The following KIAA0319L variants were observed in gnomAD, a reference collection of about 807,000 sequenced individuals.
The protein encoded by KIAA0319L is KIAA0319 like.
In KIAA0319L, 55 loss-of-function variants were observed where a neutral mutation model predicts 120.1. That is an observed-to-expected ratio of 0.46 (90% CI 0.37 to 0.57). The LOEUF (loss-of-function observed/expected upper bound fraction) is 0.57, where lower values mean the gene tolerates loss of function less well. Among genes scored for constraint, KIAA0319L ranks in the 20% least tolerant of loss-of-function variants. The probability of loss-of-function intolerance (pLI) is 0.00; values close to 1 mark genes in which losing one functional copy is unlikely to be tolerated. For missense variants in KIAA0319L, 1,049 were observed against 1,255.3 expected (o/e 0.84, Z 2.48); for synonymous variants, 398 against 471.9 (o/e 0.84, Z 2.03).
At chr1:35,447,496 T>C (rs1641711870) in intron 16 of KIAA0319L, among the ~76,000 whole-genome samples, 2 of 152,270 alleles carry the variant, frequency 1.3e-5, no homozygotes, top group South Asian at 2.1e-4. Flanking sequence ...CATTGCTCAA[T>C]GCTGTTGCCC....
rs557372905 is a variant in KIAA0319L, at chr1:35,453,894, T to C, written c.1781-205A>G. Among the ~76,000 whole-genome samples, 7 of 152,254 alleles carry C rather than the reference T, an allele frequency of 4.6e-5. No homozygotes were observed. The highest frequency in any genetic ancestry group is 1.7e-4 in the African/African-American group (7 of 41,524). On this transcript the variant is annotated intron_variant, in intron 11 of 20. Coordinates refer to ENST00000325722, the MANE Select transcript of KIAA0319L (RefSeq NM_024874.5). The surrounding 1 kb of genome is among the most constrained non-coding windows in gnomAD (Gnocchi z 4.1). ...ATATCAAGCAATTCTGACAGAAACA[T>C]AGAACATAATGAAGTTATAATGCCA... is the stretch of plus-strand genomic sequence containing the variant.
At chr1:35,477,303 C>T (rs896452867) in intron 4 of KIAA0319L, among the ~76,000 whole-genome samples, 2 of 152,112 alleles carry the variant, frequency 1.3e-5, no homozygotes, top group African/African-American at 4.8e-5. Flanking sequence ...CAAAAGAAGA[C>T]CTACAAATGG....
chr1:35,530,838 A>G (rs1646338048), intron 2 of KIAA0319L, among the ~76,000 whole-genome samples: 1 of 152,020 alleles, frequency 6.6e-6, no homozygotes, highest in Non-Finnish European at 1.5e-5. Flanking sequence ...TTTCTTCGGC[A>G]ACGAACACCA....
At position 35,490,385 on chromosome 1, in the gene KIAA0319L, G is replaced by A. The variant is rs575555987; in HGVS notation, c.667-11173C>T. On this transcript the variant is annotated intron_variant, in intron 3 of 20. Transcript: ENST00000325722. ...ACTGTTTGCAAATAATTTAACCACA[G>A]TCCAGAACAAAGCTCAAGAATATTC... 1.4e-3 allele frequency among the ~76,000 whole-genome samples: 218 copies of A among 152,170 alleles called. 4 individuals carry two copies. In the South Asian group the frequency reaches 0.02, roughly 14 times the overall value.
At chr1:35,538,342 G>A (rs1440133326) in intron 2 of KIAA0319L, among the ~76,000 whole-genome samples, 2 of 152,042 alleles carry the variant, frequency 1.3e-5, no homozygotes, top group Admixed American at 1.3e-4. Flanking sequence ...TATAATTCCA[G>A]CACTTTGGGA....
At chr1:35,471,899 TCTTC>T (rs1037601680) in intron 5 of KIAA0319L, among the ~76,000 whole-genome samples, 11 of 152,296 alleles carry the variant, frequency 7.2e-5, no homozygotes, top group Admixed American at 5.9e-4. Flanking sequence ...GACAAGGTCT[TCTTC>T]CTTCCTTCCT....
intron 3 of KIAA0319L, among the ~76,000 whole-genome samples, chr1:35,487,097 T>C (rs766454884): frequency 9.2e-5 from 14 of 152,130 alleles, no homozygotes; most frequent in Non-Finnish European, 1.5e-4. Flanking sequence ...TGGTTTAACG[T>C]TGGACATTCT....
intron 2 of KIAA0319L, among the ~76,000 whole-genome samples, chr1:35,508,655 G>A (rs1190433818): frequency 6.6e-6 from 1 of 151,840 alleles, no homozygotes; most frequent in African/African-American, 2.4e-5. Context: ...AACAGATACA[G>A]AAATACCCCC....
chr1:35,519,819 T>C (rs1457801349), intron 2 of KIAA0319L, among the ~76,000 whole-genome samples: 1 of 152,252 alleles, frequency 6.6e-6, no homozygotes, highest in Non-Finnish European at 1.5e-5. Flanking sequence ...AGATTCATCT[T>C]ATCTGTCCTT....
chr1:35,442,395 G>T, intron 18 of KIAA0319L, 59 bp from the exon 19 acceptor site: 1 of 1,333,912 alleles, frequency 7.5e-7, no homozygotes. Flanking sequence ...GGGAGGTCTG[G>T]GCTGCTCCCA....
At chr1:35,545,721 C>T (rs751851444) in intron 2 of KIAA0319L, among the ~76,000 whole-genome samples, 1 of 151,994 alleles carries the variant, frequency 6.6e-6, no homozygotes, top group Non-Finnish European at 1.5e-5. Flanking sequence ...ATGGTGAAAC[C>T]CTGTCTGTAG....
intron 4 of KIAA0319L, among the ~76,000 whole-genome samples, chr1:35,476,059 A>T (rs1284223794): frequency 6.6e-6 from 1 of 152,204 alleles, no homozygotes; most frequent in Non-Finnish European, 1.5e-5. Flanking sequence ...GTTCAAACTG[A>T]TCTAATCTTG....
At chr1:35,537,631 A>AAC (rs933959691) in intron 2 of KIAA0319L, among the ~76,000 whole-genome samples, 1 of 150,586 alleles carries the variant, frequency 6.6e-6, no homozygotes, top group African/African-American at 2.4e-5. Context: ...AAAAAAAAAA[A>AAC]AAAAAACTGC....
chr1:35,484,806 ATTTTT>A (rs1198710657), intron 3 of KIAA0319L, among the ~76,000 whole-genome samples: 5 of 86,262 alleles, frequency 5.8e-5, no homozygotes, highest in Non-Finnish European at 8.7e-5. Flanking sequence ...ATATATATAT[ATTTTT>A]TTTTTTATTA....
chr1:35,508,081 A>T (rs1384223376), intron 2 of KIAA0319L, among the ~76,000 whole-genome samples: 2 of 152,170 alleles, frequency 1.3e-5, no homozygotes, highest in African/African-American at 4.8e-5. Flanking sequence ...ATTACCAGCT[A>T]TTGTCAGGGT....
intron 2 of KIAA0319L, among the ~76,000 whole-genome samples, chr1:35,516,014 C>G (rs946221350): frequency 1.3e-5 from 2 of 152,062 alleles, no homozygotes; most frequent in African/African-American, 4.8e-5. Context: ...GAAACTGATT[C>G]CCTGAACAGA....
intron 15 of KIAA0319L, among the ~76,000 whole-genome samples, chr1:35,448,879 T>G (rs2149085979): frequency 6.6e-6 from 1 of 152,358 alleles, no homozygotes; most frequent in Middle Eastern, 3.4e-3. Context: ...AAGGATTTCC[T>G]TAGAGCCACA....
At chr1:35,537,999 G>A (rs955408368) in intron 2 of KIAA0319L, among the ~76,000 whole-genome samples, 1 of 152,116 alleles carries the variant, frequency 6.6e-6, no homozygotes, top group African/African-American at 2.4e-5. Context: ...GGGAGGAGGA[G>A]GTTCAAAGGG....
At chr1:35,449,210 T>C (rs1641865077) in intron 15 of KIAA0319L, among the ~76,000 whole-genome samples, 1 of 152,164 alleles carries the variant, frequency 6.6e-6, no homozygotes, top group Non-Finnish European at 1.5e-5. Context: ...GCCTAGATAA[T>C]AAAGAGTAGG....
Sources: allele counts gnomAD v4.1 joint callset (sites outside exome capture counted in the v4.1 genomes callset), GRCh38; gene constraint gnomAD v4.1.1; non-coding constraint Gnocchi (gnomAD v3.1); transcripts MANE v1.5; gene names NCBI Gene and HGNC (gene_info 2026-07-23, HGNC 2026-07-21).